CSMD3: variants seen among roughly 807,000 people sequenced by gnomAD.
CSMD3 encodes CUB and sushi domain-containing protein 3.
CSMD3 carries 177 observed loss-of-function variants against 435.2 expected under a neutral mutation model. That is an observed-to-expected ratio of 0.41 (90% CI 0.36 to 0.46). The LOEUF is 0.46. Among genes scored for constraint, CSMD3 ranks in the 20% least tolerant of loss-of-function variants. CSMD3 has a pLI of 0.34. For synonymous variants in CSMD3, 1,656 were observed against 1,520.5 expected, an observed-to-expected ratio of 1.09 and a Z score of -2.07; for missense variants, 4,265 against 4,504.6, an observed-to-expected ratio of 0.95 and a Z score of 1.52.
chr8:112,921,902 A>T, intron 9 of CSMD3, 151 bp from the exon 10 acceptor site: 1 of 669,488 alleles, frequency 1.5e-6, no homozygotes, highest in South Asian at 1.7e-5. Context: ...TGACTTGTAG[A>T]AATGTAAAGC....
At chr8:112,442,451 A>G (rs1157163891) in intron 32 of CSMD3, among the ~76,000 whole-genome samples, 1 of 152,208 alleles carries the variant, frequency 6.6e-6, no homozygotes, top group African/African-American at 2.4e-5. Flanking sequence ...AGCACTTACT[A>G]GCTGTAGGAT....
chr8:113,376,570 T>C lies in CSMD3; in HGVS notation c.178+60107A>G, dbSNP rs578181719. ...TATGCGTTTGTTGTCCAAAATAAAC[T>C]AATATATAAAAAAATTGATATCCAA... On this transcript the variant is annotated intron_variant, in intron 1 of 70. Transcript: ENST00000297405. 37 of 680,510 alleles carry C rather than the reference T, an allele frequency of 5.4e-5. 1 individual carries two copies. The Middle Eastern group carries it at 1.7e-3, about 31-fold the overall frequency. The allele number at this position is 680,510 out of a possible 1,614,324, so 42.2% of individuals were successfully genotyped here.
At chr8:112,550,965 A>G (rs1362655493) in intron 26 of CSMD3, 92 bp from the exon 27 acceptor site, 1 of 859,538 alleles carries the variant, frequency 1.2e-6, no homozygotes, top group African/African-American at 1.7e-5. Context: ...CTTTTACTAG[A>G]TAGTTCTTTT....
At chr8:113,078,601 T>C (rs572515593) in intron 5 of CSMD3, among the ~76,000 whole-genome samples, 36 of 152,302 alleles carry the variant, frequency 2.4e-4, no homozygotes, top group African/African-American at 8.4e-4. Context: ...TACATAAATT[T>C]GGGGGGTTTA....
At chr8:112,652,402 C>T (rs1563814635) in intron 18 of CSMD3, among the ~76,000 whole-genome samples, 1 of 152,020 alleles carries the variant, frequency 6.6e-6, no homozygotes. Context: ...GTAGTAAAAT[C>T]GTCTAAAATC....
At chr8:112,912,620 T>G (rs969004410) in intron 10 of CSMD3, among the ~76,000 whole-genome samples, 1 of 151,904 alleles carries the variant, frequency 6.6e-6, no homozygotes, top group Non-Finnish European at 1.5e-5. Context: ...TTAAAAAACA[T>G]AGAGAAAACT....
chr8:112,585,169 A>G (rs7841280), intron 23 of CSMD3, among the ~76,000 whole-genome samples: 86,347 of 150,738 alleles, frequency 0.57, 25,195 homozygotes, highest in African/African-American at 0.68. Context: ...GGCTTGCTGA[A>G]ATTGTTTTAA....
At chr8:112,303,129 G>C (rs1821095034) in intron 52 of CSMD3, among the ~76,000 whole-genome samples, 1 of 151,916 alleles carries the variant, frequency 6.6e-6, no homozygotes, top group Non-Finnish European at 1.5e-5. Flanking sequence ...TAATTACCTA[G>C]CTCTTTGAAA....
chr8:113,117,159 GC>G (rs1720972717), intron 4 of CSMD3, among the ~76,000 whole-genome samples: 1 of 152,196 alleles, frequency 6.6e-6, no homozygotes, highest in Non-Finnish European at 1.5e-5. Flanking sequence ...CTTCACAACA[GC>G]CCTTCCCATA....
chr8:112,438,778 A>G (rs928606933), intron 32 of CSMD3, among the ~76,000 whole-genome samples: 2 of 152,206 alleles, frequency 1.3e-5, no homozygotes, highest in Non-Finnish European at 2.9e-5. Context: ...GGTAGTTAGC[A>G]TTTGGTTAAA....
chr8:112,935,557 T>C (rs1318238966), intron 9 of CSMD3, among the ~76,000 whole-genome samples: 1 of 152,082 alleles, frequency 6.6e-6, no homozygotes, highest in Non-Finnish European at 1.5e-5. Context: ...ACTTATTTAG[T>C]TTCTTTCATC....
At chr8:113,212,838 G>A (rs1204618879) in intron 3 of CSMD3, among the ~76,000 whole-genome samples, 6 of 150,400 alleles carry the variant, frequency 4.0e-5, no homozygotes, top group Non-Finnish European at 8.9e-5. Flanking sequence ...GTATACATAT[G>A]TAACTAACCT....
chr8:113,262,071 A>G (rs1185564004), intron 3 of CSMD3, among the ~76,000 whole-genome samples: 3 of 152,070 alleles, frequency 2.0e-5, no homozygotes, highest in African/African-American at 4.8e-5. Flanking sequence ...CTATTACCAT[A>G]TATGTCTTAC....
At chr8:112,647,187 T>C (rs2131620279) in intron 19 of CSMD3, among the ~76,000 whole-genome samples, 1 of 152,322 alleles carries the variant, frequency 6.6e-6, no homozygotes, top group Non-Finnish European at 1.5e-5. Flanking sequence ...TATGATGTTC[T>C]TTACTCATGT....
chr8:112,917,322 G>A lies in CSMD3; in HGVS notation c.1633+4305C>T, dbSNP rs2082603188. Among the ~76,000 whole-genome samples, 7 of 151,890 alleles carry A rather than the reference G, an allele frequency of 4.6e-5. No individual in the cohort carries two copies. The South Asian group carries it at 1.4e-3, about 31-fold the overall frequency. On this transcript the variant is annotated intron_variant, in intron 10 of 70. Coordinates refer to ENST00000297405, the MANE Select transcript of CSMD3 (RefSeq NM_198123.2). ...GTGTGGCAAAGACAGTAATTGTAAA[G>A]TAATTTTGAAGATGAGGAAATAAGG...
intron 12 of CSMD3, among the ~76,000 whole-genome samples, chr8:112,817,449 A>G (rs2079406320): frequency 2.0e-5 from 1 of 48,812 alleles, no homozygotes; most frequent in Non-Finnish European, 3.8e-5. Context: ...AGAATCTGTG[A>G]AACAAAGTTC....
intron 10 of CSMD3, among the ~76,000 whole-genome samples, chr8:112,906,420 T>C (rs2082264689): frequency 6.6e-6 from 1 of 151,354 alleles, no homozygotes; most frequent in African/African-American, 2.4e-5. Context: ...CTATAAAAGC[T>C]GAGAACCCTC....
rs371820876 is a variant in CSMD3, at chr8:112,904,089, C to G, written c.1633+17538G>C. Among the ~76,000 whole-genome samples, 23 of 151,380 alleles carry G rather than the reference C, an allele frequency of 1.5e-4. No homozygotes were observed. In the East Asian group the frequency reaches 3.5e-3, roughly 23 times the overall value. ...CATTTAAACAATGCTTTTTCCCCCC[C>G]AGAGACATGATGTTTAGCTGGGAAC... On this transcript the variant is annotated intron_variant, in intron 10 of 70. Coordinates refer to ENST00000297405, the MANE Select transcript of CSMD3 (RefSeq NM_198123.2).
At chr8:112,961,153 T>G (rs187977778) in intron 7 of CSMD3, among the ~76,000 whole-genome samples, 1 of 151,890 alleles carries the variant, frequency 6.6e-6, no homozygotes, top group East Asian at 1.9e-4. Context: ...TATTTACCAT[T>G]TATAATATTA....
Sources: allele counts gnomAD v4.1 joint callset (sites outside exome capture counted in the v4.1 genomes callset), GRCh38; gene constraint gnomAD v4.1.1; transcripts MANE v1.5; gene names NCBI Gene and HGNC (gene_info 2026-07-23, HGNC 2026-07-21).